FAM107A: variants seen among roughly 807,000 people sequenced by gnomAD.
FAM107A encodes the protein actin-associated protein FAM107A.
FAM107A carries 19 observed loss-of-function variants against 13.7 expected under a neutral mutation model. The observed-to-expected ratio is 1.38, with a 90% CI of 0.97 to 2.03. The LOEUF is 2.03. Among genes scored for constraint, FAM107A ranks in the 30% most tolerant of loss-of-function variants. The pLI, the probability that FAM107A is intolerant of heterozygous loss-of-function variation, is 0.00. For missense variants in FAM107A, 203 were observed against 184.4 expected, an observed-to-expected ratio of 1.10 and a Z score of -0.58; for synonymous variants, 82 against 74.5, an observed-to-expected ratio of 1.10 and a Z score of -0.52.
At chr3:58,576,402 A>G (rs926547759) in intron 1 of FAM107A, among the ~76,000 whole-genome samples, 2 of 152,236 alleles carry the variant, frequency 1.3e-5, no homozygotes, top group African/African-American at 2.4e-5. Flanking sequence ...TTGATCTGGA[A>G]CAAGCATCAG....
At chr3:58,571,827 G>A (rs887717377) in intron 1 of FAM107A, among the ~76,000 whole-genome samples, 2 of 152,094 alleles carry the variant, frequency 1.3e-5, no homozygotes, top group Non-Finnish European at 2.9e-5. Flanking sequence ...AACTACTTTG[G>A]CTCCCCAGCT....
chr3:58,595,838 T>C (rs1027428975), intron 1 of FAM107A, among the ~76,000 whole-genome samples: 6 of 152,242 alleles, frequency 3.9e-5, no homozygotes, highest in Non-Finnish European at 8.8e-5. Context: ...CCTTCAATGG[T>C]TGGCATTTGG....
At chr3:58,567,150 C>T in intron 3 of FAM107A, 58 bp downstream of exon 3, 2 of 1,601,942 alleles carry the variant, frequency 1.2e-6, no homozygotes, top group Non-Finnish European at 8.6e-7. Flanking sequence ...CAGCAGAGCT[C>T]CTCCCTGGAG....
At position 58,600,336 on chromosome 3, in the gene FAM107A, C is replaced by T. The variant is rs114417606; in HGVS notation, c.-69-11067G>A. Among the ~76,000 whole-genome samples, 283 of 152,320 alleles carry T rather than the reference C, an allele frequency of 1.9e-3. 1 individual carries two copies. The highest frequency in any genetic ancestry group is 6.6e-3 in the African/African-American group (273 of 41,570). ...CTGCCCGAGGTCATAAAATATCTGA[C>T]TGCAGAGTCCTATCTTCCTCTCTGT... is the stretch of plus-strand genomic sequence containing the variant. On this transcript the variant is annotated intron_variant, in intron 1 of 3. Coordinates refer to the FAM107A transcript ENST00000465970.
At chr3:58,593,443 T>C (rs2065671155) in intron 1 of FAM107A, among the ~76,000 whole-genome samples, 2 of 152,178 alleles carry the variant, frequency 1.3e-5, no homozygotes, top group Admixed American at 1.3e-4. Flanking sequence ...ACACTGCCGG[T>C]TTACACTTTT....
At chr3:58,620,667 C>G (rs1267127550) in intron 1 of FAM107A, among the ~76,000 whole-genome samples, 1 of 152,238 alleles carries the variant, frequency 6.6e-6, no homozygotes, top group Non-Finnish European at 1.5e-5. Context: ...GAGACCCAGC[C>G]AGCACCTGGG....
chr3:58,622,412 A>G (rs2065964712), intron 1 of FAM107A, among the ~76,000 whole-genome samples: 1 of 152,000 alleles, frequency 6.6e-6, no homozygotes, highest in African/African-American at 2.4e-5. Context: ...CTGCACACCA[A>G]CCTGGGTGAC....
chr3:58,595,325 C>T (rs931280458), intron 1 of FAM107A, among the ~76,000 whole-genome samples: 2 of 152,190 alleles, frequency 1.3e-5, no homozygotes, highest in Admixed American at 6.5e-5. Context: ...TGCACGTTTA[C>T]ATCCAGATGG....
At chr3:58,590,341 C>T (rs185146330), upstream of FAM107A, among the ~76,000 whole-genome samples, 27 of 152,330 alleles carry the variant, frequency 1.8e-4, no homozygotes, top group Admixed American at 7.8e-4. Flanking sequence ...GTTGTCTGAT[C>T]TTCCAAGCCT....
chr3:58,566,586 C>T lies in FAM107A; in HGVS notation c.*2G>A. 1 of 1,610,750 alleles carries T rather than the reference C, an allele frequency of 6.2e-7. No homozygotes were observed. Among genetic ancestry groups the T allele is most frequent in the Non-Finnish European group, 8.5e-7 (1 of 1,177,558 alleles). On this transcript the variant is annotated 3_prime_UTR_variant, in exon 4 of 4. Coordinates refer to ENST00000360997, the MANE Select transcript of FAM107A (RefSeq NM_001076778.3). ...GCAGTGGCCTGAGCCCGGCAGCTGG[C>T]CCTACAGCTCTCTCTCTTCGCTGGT...
intron 1 of FAM107A, among the ~76,000 whole-genome samples, chr3:58,622,969 G>C (rs34570821): frequency 0.21 from 31,228 of 152,066 alleles, 3,402 homozygotes; most frequent in African/African-American, 0.27. Context: ...GGTGGGCAGA[G>C]TCAGGGTGAT....
At chr3:58,577,508 T>C, upstream of FAM107A, 1 of 985,370 alleles carries the variant, frequency 1.0e-6, no homozygotes, top group Non-Finnish European at 1.2e-6. This position sits in a 1 kb window ranked among gnomAD's most constrained non-coding sequence, Gnocchi z 4.9. Context: ...AAAAAGGAAC[T>C]GTTACTATAG....
upstream of FAM107A, among the ~76,000 whole-genome samples, chr3:58,588,438 C>T (rs539400150): frequency 3.6e-4 from 55 of 152,350 alleles, 1 homozygote; most frequent in Admixed American, 3.3e-4. Context: ...CTCTCTGCTC[C>T]CCAGACACCA....
upstream of FAM107A, among the ~76,000 whole-genome samples, chr3:58,579,965 A>G (rs1284007970): frequency 6.6e-6 from 1 of 152,164 alleles, no homozygotes; most frequent in East Asian, 1.9e-4. Context: ...GGGCTCAATA[A>G]CTATTGTTAA....
upstream of FAM107A, among the ~76,000 whole-genome samples, chr3:58,580,855 C>G (rs2065530316): frequency 1.3e-5 from 2 of 152,240 alleles, no homozygotes; most frequent in Admixed American, 1.3e-4. Context: ...AAAAAAGGCC[C>G]TAGCATATAT....
chr3:58,627,131 C>T, intron 1 of FAM107A: 1 of 830,580 alleles, frequency 1.2e-6, no homozygotes, highest in South Asian at 1.5e-5. Context: ...CTCATTCTCC[C>T]AGGCACAAAG....
upstream of FAM107A, among the ~76,000 whole-genome samples, chr3:58,582,232 C>T (rs2065556053): frequency 6.6e-6 from 1 of 152,226 alleles, no homozygotes; most frequent in African/African-American, 2.4e-5. Flanking sequence ...AACATGCTTA[C>T]ACTAAAATAT....
At chr3:58,623,286 G>A (rs1214672907) in intron 1 of FAM107A, among the ~76,000 whole-genome samples, 1 of 152,214 alleles carries the variant, frequency 6.6e-6, no homozygotes, top group African/African-American at 2.4e-5. Flanking sequence ...AGCGATGAGT[G>A]TCTTGGTAAA....
intron 1 of FAM107A, among the ~76,000 whole-genome samples, chr3:58,592,144 A>T (rs1434780255): frequency 2.0e-5 from 3 of 152,182 alleles, no homozygotes; most frequent in Non-Finnish European, 4.4e-5. Context: ...TGTGTTTTTT[A>T]ATGAAAGGCT....
Sources: gnomAD v4.1 joint callset for allele counts (sites outside exome capture counted in the v4.1 genomes callset) on GRCh38, gnomAD v4.1.1 for gene constraint, Gnocchi (gnomAD v3.1) non-coding constraint, MANE v1.5 for transcripts, NCBI Gene and HGNC (gene_info 2026-07-23, HGNC 2026-07-21) for gene names.